The following MIB1 variants were observed in gnomAD, a reference collection of about 807,000 sequenced individuals.
MIB1 encodes MIB E3 ubiquitin protein ligase 1.
In MIB1, 278 loss-of-function variants were observed where a neutral mutation model predicts 124.5. The ratio of observed to expected loss-of-function variants is 2.23; its 90% confidence interval spans 2.02 to 2.47. The LOEUF (loss-of-function observed/expected upper bound fraction) is 2.47, where lower values mean the gene tolerates loss of function less well. Ranked by LOEUF, MIB1 falls within the 30% of genes most tolerant of loss-of-function variation. The probability of loss-of-function intolerance (pLI) is 0.00; values close to 1 mark genes in which losing one functional copy is unlikely to be tolerated. For synonymous variants in MIB1, 446 were observed against 429.4 expected, an observed-to-expected ratio of 1.04 and a Z score of -0.48; for missense variants, 957 against 1,254.4, an observed-to-expected ratio of 0.76 and a Z score of 3.58.
intron 1 of MIB1, among the ~76,000 whole-genome samples, chr18:21,764,093 C>G (rs2041129096): frequency 6.6e-6 from 1 of 152,162 alleles, no homozygotes; most frequent in Admixed American, 6.5e-5. Flanking sequence ...CTCATGTCCA[C>G]TATCTTCTGT....
intron 20 of MIB1, 152 bp downstream of exon 20, chr18:21,858,798 G>T (rs1283739604): frequency 4.2e-6 from 2 of 473,806 alleles, no homozygotes; most frequent in East Asian, 6.4e-5. Context: ...TGATTAGAGG[G>T]TTTAATCAGG....
Position 21,865,490 on chromosome 18 carries a change from A to AG in MIB1, c.*824_*825insG, listed in dbSNP as rs2042313805. The AG allele has an allele frequency of 6.6e-6, 1 of 152,398 alleles. No individual in the cohort carries two copies. 9.4% of individuals were successfully genotyped at this position (152,398 alleles called of 1,614,324 possible). On this transcript the variant is annotated 3_prime_UTR_variant, in exon 21 of 21. Transcript: ENST00000261537. ...TGTTCAGCCAGTGTTTTTAAAAAAA[A>AG]TCTATGAAAAGTGTACTTCCGGTTT...
At chr18:21,861,045 G>A (rs975932378) in intron 20 of MIB1, among the ~76,000 whole-genome samples, 8 of 152,084 alleles carry the variant, frequency 5.3e-5, no homozygotes, top group African/African-American at 1.9e-4. Flanking sequence ...TCTCTTTGTA[G>A]GGGGTGGAGG....
intron 7 of MIB1, among the ~76,000 whole-genome samples, chr18:21,792,443 TC>T (rs2041517080): frequency 6.6e-6 from 1 of 151,930 alleles, no homozygotes; most frequent in Non-Finnish European, 1.5e-5. Context: ...CCCCATCTCA[TC>T]CCCTCCCATC....
intron 7 of MIB1, among the ~76,000 whole-genome samples, chr18:21,796,725 A>G (rs1188805221): frequency 6.6e-6 from 1 of 152,164 alleles, no homozygotes; most frequent in Non-Finnish European, 1.5e-5. Flanking sequence ...TTTTGGAGAA[A>G]TGGCTAATTC....
intron 19 of MIB1, among the ~76,000 whole-genome samples, chr18:21,857,864 G>A (rs1013293288): frequency 2.0e-5 from 3 of 152,222 alleles, no homozygotes; most frequent in Non-Finnish European, 2.9e-5. Context: ...GAGCAGATGA[G>A]GAAGAGCATT....
At chr18:21,781,622 C>T (rs903025394) in intron 6 of MIB1, among the ~76,000 whole-genome samples, 2 of 151,448 alleles carry the variant, frequency 1.3e-5, no homozygotes, top group African/African-American at 4.9e-5. Flanking sequence ...ACCATGTTGG[C>T]CAGGCTGATC....
intron 6 of MIB1, among the ~76,000 whole-genome samples, chr18:21,780,321 A>G (rs1022951654): frequency 6.6e-6 from 1 of 151,248 alleles, no homozygotes; most frequent in Non-Finnish European, 1.5e-5. Flanking sequence ...ACTATCAAAC[A>G]TTAGATTTTT....
At chr18:21,836,547 T>C (rs1280240414) in intron 12 of MIB1, among the ~76,000 whole-genome samples, 1 of 152,196 alleles carries the variant, frequency 6.6e-6, no homozygotes, top group Non-Finnish European at 1.5e-5. Context: ...TCTTAATTTA[T>C]CAATTATAGG....
chr18:21,806,592 G>T (rs563097200), intron 10 of MIB1, among the ~76,000 whole-genome samples: 6 of 151,514 alleles, frequency 4.0e-5, no homozygotes, highest in African/African-American at 1.5e-4. Flanking sequence ...AGTCTTGGTA[G>T]TCTAGATATT....
intron 18 of MIB1, among the ~76,000 whole-genome samples, chr18:21,853,668 G>A (rs2042200605): frequency 6.6e-6 from 1 of 152,106 alleles, no homozygotes; most frequent in African/African-American, 2.4e-5. Context: ...CCTTCTGTAA[G>A]CTTTTATGTC....
exon 1 of MIB1, chr18:21,704,986 G>A (rs2040610372): frequency 4.7e-6 from 1 of 213,178 alleles, no homozygotes; most frequent in African/African-American, 2.3e-5. Flanking sequence ...GTCGCAGTGG[G>A]CGATGGGGAT....
At chr18:21,768,815 T>C (rs2041194479) in intron 3 of MIB1, 63 bp downstream of exon 3, 10 of 1,377,534 alleles carry the variant, frequency 7.3e-6, no homozygotes, top group Non-Finnish European at 9.7e-6. Context: ...ACCTTTTTAT[T>C]ACTACTATAA....
chr18:21,706,895 A>G (rs1013682733), intron 1 of MIB1, among the ~76,000 whole-genome samples: 2 of 152,182 alleles, frequency 1.3e-5, no homozygotes, highest in Non-Finnish European at 2.9e-5. Flanking sequence ...CCAAGGGCTG[A>G]GGAGTGTGGG....
chr18:21,738,752 A>T (rs201991235), upstream of MIB1, among the ~76,000 whole-genome samples: 1 of 137,124 alleles, frequency 7.3e-6, no homozygotes, highest in African/African-American at 2.7e-5. Context: ...GCTTGCAGTG[A>T]GCTGAGATCA....
intron 7 of MIB1, chr18:21,794,077 ACT>A (rs2041544873): frequency 1.3e-5 from 2 of 152,000 alleles, no homozygotes; most frequent in African/African-American, 4.8e-5. Context: ...GCAGGTCAAA[ACT>A]CTCGTGCTGA....
chr18:21,742,193 G>C (rs914106415), intron 1 of MIB1, among the ~76,000 whole-genome samples: 1 of 152,004 alleles, frequency 6.6e-6, no homozygotes, highest in African/African-American at 2.4e-5. Flanking sequence ...ACTGTCTGAA[G>C]GGAGGCTTGC....
At chr18:21,800,028 A>G in intron 9 of MIB1, 54 bp downstream of exon 9, 1 of 1,403,110 alleles carries the variant, frequency 7.1e-7, no homozygotes, top group Non-Finnish European at 9.8e-7. Context: ...TAGTATAATG[A>G]ACCTTATCCT....
At chr18:21,785,183 C>G (rs1290252492) in intron 6 of MIB1, among the ~76,000 whole-genome samples, 1 of 152,036 alleles carries the variant, frequency 6.6e-6, no homozygotes, top group Non-Finnish European at 1.5e-5. Flanking sequence ...CTTGTGTGAC[C>G]TTACCTATCA....
Sources: gnomAD v4.1 joint callset for allele counts (sites outside exome capture counted in the v4.1 genomes callset) on GRCh38, gnomAD v4.1.1 for gene constraint, MANE v1.5 for transcripts, NCBI Gene and HGNC (gene_info 2026-07-23, HGNC 2026-07-21) for gene names.